DIAPH3: variants seen among roughly 807,000 people sequenced by gnomAD.
DIAPH3 encodes diaphanous related formin 3, also known as protein diaphanous homolog 3.
Under a neutral mutation model 144.3 loss-of-function variants are expected in DIAPH3, and 117 were observed. That is an observed-to-expected ratio of 0.81 (90% CI 0.70 to 0.95). The LOEUF (loss-of-function observed/expected upper bound fraction) is 0.95, where lower values mean the gene tolerates loss of function less well. Among genes scored for constraint, DIAPH3 ranks in the 40% least tolerant of loss-of-function variants. The pLI, the probability that DIAPH3 is intolerant of heterozygous loss-of-function variation, is 0.00. For synonymous variants in DIAPH3, 519 were observed against 488.9 expected (o/e 1.06, Z -0.81); for missense variants, 1,421 against 1,412.7 (o/e 1.01, Z -0.09).
intron 2 of DIAPH3, among the ~76,000 whole-genome samples, chr13:60,116,108 C>A (rs533957724): frequency 6.6e-6 from 1 of 151,974 alleles, no homozygotes; most frequent in East Asian, 1.9e-4. Context: ...GGGATGAAAT[C>A]CTAGATCTAC....
At chr13:59,797,292 C>A (rs2039663693) in intron 25 of DIAPH3, among the ~76,000 whole-genome samples, 2 of 152,170 alleles carry the variant, frequency 1.3e-5, no homozygotes, top group Non-Finnish European at 2.9e-5. Flanking sequence ...GGCCGGGACA[C>A]TCGCTTGTTT....
intron 2 of DIAPH3, among the ~76,000 whole-genome samples, chr13:60,118,057 C>T (rs2058743078): frequency 1.3e-5 from 2 of 152,128 alleles, no homozygotes; most frequent in African/African-American, 4.8e-5. Flanking sequence ...TGGTACACCA[C>T]ACTTCATTAA....
At chr13:59,890,975 C>T (rs2045756517) in intron 20 of DIAPH3, among the ~76,000 whole-genome samples, 1 of 150,610 alleles carries the variant, frequency 6.6e-6, no homozygotes, top group East Asian at 1.9e-4. Context: ...GCAAATGAAC[C>T]AGAATATATC....
intron 4 of DIAPH3, among the ~76,000 whole-genome samples, chr13:60,078,452 T>C (rs1290698075): frequency 6.6e-6 from 1 of 152,112 alleles, no homozygotes; most frequent in Admixed American, 6.6e-5. Flanking sequence ...AGTATAATGG[T>C]TACTGCATGT....
intron 19 of DIAPH3, 91 bp downstream of exon 19, chr13:59,916,064 T>C (rs910128141): frequency 1.4e-5 from 15 of 1,073,402 alleles, no homozygotes; most frequent in Non-Finnish European, 2.0e-5. Flanking sequence ...TTGAATGATT[T>C]GGGTGAAGAA....
chr13:60,014,460 G>A (rs546720749), intron 7 of DIAPH3, among the ~76,000 whole-genome samples: 71 of 151,956 alleles, frequency 4.7e-4, no homozygotes, highest in African/African-American at 1.7e-3. Flanking sequence ...GTTTAGAGGA[G>A]GCAAGGAAGA....
At chr13:60,126,314 A>C (rs1197977539) in intron 2 of DIAPH3, among the ~76,000 whole-genome samples, 1 of 152,236 alleles carries the variant, frequency 6.6e-6, no homozygotes, top group Non-Finnish European at 1.5e-5. Context: ...AAGAAGCAGC[A>C]TATGATTATA....
At chr13:59,793,000 G>C (rs1008907865) in intron 25 of DIAPH3, among the ~76,000 whole-genome samples, 1 of 152,114 alleles carries the variant, frequency 6.6e-6, no homozygotes, top group Non-Finnish European at 1.5e-5. Context: ...TCCCTGAGAG[G>C]GTTTACATGC....
chr13:59,697,598 T>C (rs933284837), intron 27 of DIAPH3, among the ~76,000 whole-genome samples: 9 of 151,002 alleles, frequency 6.0e-5, no homozygotes, highest in African/African-American at 2.2e-4. Flanking sequence ...CATTAAGTCA[T>C]CGCAGCTACC....
chr13:59,709,670 T>C (rs1211719331), intron 27 of DIAPH3, among the ~76,000 whole-genome samples: 2 of 152,204 alleles, frequency 1.3e-5, no homozygotes, highest in Non-Finnish European at 2.9e-5. Flanking sequence ...GTTCAACCGT[T>C]GTGGAAGGCA....
chr13:60,156,952 T>A, intron 1 of DIAPH3, among the ~76,000 whole-genome samples: 1 of 97,590 alleles, frequency 1.0e-5, no homozygotes, highest in African/African-American at 3.8e-5. Context: ...TTTTTTTTTT[T>A]TTTTTTTGAG....
At chr13:60,097,716 C>T (rs1210910650) in intron 3 of DIAPH3, among the ~76,000 whole-genome samples, 2 of 151,786 alleles carry the variant, frequency 1.3e-5, no homozygotes, top group South Asian at 2.1e-4. Context: ...ACAGGTCATC[C>T]TCCATATTTC....
At chr13:59,913,645 G>A (rs1176658994) in intron 19 of DIAPH3, among the ~76,000 whole-genome samples, 1 of 152,108 alleles carries the variant, frequency 6.6e-6, no homozygotes, top group Non-Finnish European at 1.5e-5. Context: ...TTCCAAGAAG[G>A]TCAAGTCTAA....
chr13:59,967,140 C>G (rs1209573242), intron 17 of DIAPH3, among the ~76,000 whole-genome samples: 1 of 152,092 alleles, frequency 6.6e-6, no homozygotes, highest in Admixed American at 6.5e-5. Flanking sequence ...GATCCTGGCT[C>G]GCTGCAACCT....
intron 4 of DIAPH3, among the ~76,000 whole-genome samples, chr13:60,079,968 C>A (rs1594606976): frequency 6.6e-6 from 1 of 151,902 alleles, no homozygotes; most frequent in African/African-American, 2.4e-5. Context: ...CTTTCCCACA[C>A]AAAAACCCCT....
At chr13:59,871,418 C>T (rs1020491105) in intron 21 of DIAPH3, among the ~76,000 whole-genome samples, 4 of 152,164 alleles carry the variant, frequency 2.6e-5, no homozygotes, top group Admixed American at 2.0e-4. Flanking sequence ...AAGTATGATG[C>T]TAGCTGTCGA....
chr13:60,086,048 T>A (rs1449819628), intron 4 of DIAPH3, among the ~76,000 whole-genome samples: 1 of 152,058 alleles, frequency 6.6e-6, no homozygotes, highest in African/African-American at 2.4e-5. Context: ...TTTTTCCATA[T>A]CTGATGAAGC....
intron 27 of DIAPH3, among the ~76,000 whole-genome samples, chr13:59,702,924 T>G (rs1354084715): frequency 6.6e-6 from 1 of 152,220 alleles, no homozygotes; most frequent in African/African-American, 2.4e-5. Context: ...CCTTTATGTC[T>G]GTCCTCAAAC....
chr13:59,811,478 C>T (rs762952135), intron 24 of DIAPH3, among the ~76,000 whole-genome samples: 25 of 152,180 alleles, frequency 1.6e-4, no homozygotes, highest in Non-Finnish European at 2.8e-4. Context: ...GTGGCTCACG[C>T]CTGTAATCCC....
Sources: gnomAD v4.1 joint callset for allele counts (sites outside exome capture counted in the v4.1 genomes callset) on GRCh38, gnomAD v4.1.1 for gene constraint, MANE v1.5 for transcripts, NCBI Gene and HGNC (gene_info 2026-07-23, HGNC 2026-07-21) for gene names.